KLF12: variants seen among roughly 807,000 people sequenced by gnomAD.
KLF12 encodes Krueppel-like factor 12.
Under a neutral mutation model 37.8 loss-of-function variants are expected in KLF12, and 9 were observed. That is an observed-to-expected ratio of 0.24 (90% CI 0.14 to 0.42). KLF12 has a LOEUF of 0.42. KLF12 is among the 10% of genes least tolerant of loss of function. The pLI is 1.00. For missense variants in KLF12, 411 were observed against 516.0 expected, an observed-to-expected ratio of 0.80 and a Z score of 1.97; for synonymous variants, 208 against 202.1, an observed-to-expected ratio of 1.03 and a Z score of -0.25.
At chr13:74,089,016 G>C (rs751359775) in intron 1 of KLF12, among the ~76,000 whole-genome samples, 2 of 151,994 alleles carry the variant, frequency 1.3e-5, no homozygotes, top group African/African-American at 4.8e-5. Flanking sequence ...AGACAATTCT[G>C]CTATCTCTGT....
intron 1 of KLF12, among the ~76,000 whole-genome samples, chr13:74,119,763 G>C (rs1484765570): frequency 6.6e-6 from 1 of 152,120 alleles, no homozygotes; most frequent in African/African-American, 2.4e-5. Flanking sequence ...GAAAAGAGAA[G>C]AGAAGGGAGG....
chr13:73,937,176 G>A (rs550248440), intron 3 of KLF12, among the ~76,000 whole-genome samples: 39 of 146,748 alleles, frequency 2.7e-4, no homozygotes, highest in South Asian at 1.8e-3. Flanking sequence ...GCGACAGAGC[G>A]AGACTCCGTC....
intron 1 of KLF12, among the ~76,000 whole-genome samples, chr13:74,042,444 G>A (rs973895636): frequency 4.6e-5 from 7 of 152,130 alleles, no homozygotes; most frequent in Admixed American, 3.3e-4. Context: ...CACCCTGCCA[G>A]GTAACACTCC....
intron 1 of KLF12, among the ~76,000 whole-genome samples, chr13:74,091,905 T>C (rs1435638687): frequency 1.3e-5 from 2 of 151,968 alleles, no homozygotes; most frequent in Admixed American, 1.3e-4. Flanking sequence ...AGGTTATGCA[T>C]GTGTGGAGGC....
chr13:73,915,870 T>C (rs1888804374), intron 3 of KLF12, among the ~76,000 whole-genome samples: 1 of 151,992 alleles, frequency 6.6e-6, no homozygotes, highest in Non-Finnish European at 1.5e-5. Flanking sequence ...ACTTTCTCTC[T>C]TGATGGTGGA....
At chr13:74,035,856 A>G (rs1893232957) in intron 1 of KLF12, among the ~76,000 whole-genome samples, 1 of 152,232 alleles carries the variant, frequency 6.6e-6, no homozygotes, top group African/African-American at 2.4e-5. Context: ...TCAAATCTCT[A>G]TAGGATTTTG....
intron 5 of KLF12, among the ~76,000 whole-genome samples, chr13:73,794,529 A>G (rs553209901): frequency 2.2e-4 from 33 of 152,336 alleles, no homozygotes; most frequent in African/African-American, 7.7e-4. Flanking sequence ...AGTTTAGTAC[A>G]GAAAACATTT....
intron 1 of KLF12, among the ~76,000 whole-genome samples, chr13:74,021,653 A>G (rs1291932080): frequency 6.6e-6 from 1 of 152,218 alleles, no homozygotes; most frequent in Non-Finnish European, 1.5e-5. Context: ...ACATCAAGGA[A>G]GTCAGCAAAT....
intron 4 of KLF12, among the ~76,000 whole-genome samples, chr13:73,815,220 G>A (rs549586739): frequency 3.2e-4 from 48 of 152,314 alleles, no homozygotes; most frequent in Admixed American, 1.4e-3. Context: ...GGATGTTGGA[G>A]AAACTGTAGG....
At chr13:74,129,740 G>A (rs1878159352) in intron 1 of KLF12, among the ~76,000 whole-genome samples, 1 of 151,396 alleles carries the variant, frequency 6.6e-6, no homozygotes, top group Non-Finnish European at 1.5e-5. Context: ...AATTCTTTGG[G>A]TGAATATCCT....
At chr13:73,948,966 T>C (rs1284121431) in intron 2 of KLF12, among the ~76,000 whole-genome samples, 2 of 152,242 alleles carry the variant, frequency 1.3e-5, no homozygotes, top group Non-Finnish European at 2.9e-5. Context: ...GATATTTGCA[T>C]ATTTACTGTG....
chr13:74,092,369 A>G (rs1875722928), intron 1 of KLF12, among the ~76,000 whole-genome samples: 1 of 151,890 alleles, frequency 6.6e-6, no homozygotes, highest in Admixed American at 6.6e-5. Context: ...CAAGAAAATG[A>G]AAGTCACATT....
At chr13:73,948,305 T>G (rs1593771371) in intron 2 of KLF12, among the ~76,000 whole-genome samples, 1 of 152,114 alleles carries the variant, frequency 6.6e-6, no homozygotes, top group East Asian at 1.9e-4. Context: ...TACTGCAATC[T>G]CTGCCTCCCA....
At chr13:73,958,489 C>G (rs144250927) in intron 2 of KLF12, among the ~76,000 whole-genome samples, 1 of 152,008 alleles carries the variant, frequency 6.6e-6, no homozygotes, top group East Asian at 1.9e-4. Flanking sequence ...GTGATCTGCC[C>G]GCCTCAGCCT....
the KLF12 span, among the ~76,000 whole-genome samples, chr13:74,152,916 AT>A: frequency 6.7e-6 from 1 of 148,630 alleles, no homozygotes; most frequent in East Asian, 2.0e-4. Context: ...AATAATAATA[AT>A]AATAATAATA....
chr13:74,279,938 A>G, the KLF12 span, among the ~76,000 whole-genome samples: 1 of 152,214 alleles, frequency 6.6e-6, no homozygotes, highest in Non-Finnish European at 1.5e-5. Flanking sequence ...AGGGATGCAC[A>G]AGAATGTTAT....
chr13:74,149,090 C>G, the KLF12 span, among the ~76,000 whole-genome samples: 1 of 152,160 alleles, frequency 6.6e-6, no homozygotes, highest in African/African-American at 2.4e-5. Flanking sequence ...AGTGGGATTA[C>G]GGGCACAAGC....
At chr13:73,924,989 G>A (rs1000325435) in intron 3 of KLF12, among the ~76,000 whole-genome samples, 11 of 152,154 alleles carry the variant, frequency 7.2e-5, no homozygotes, top group Non-Finnish European at 1.5e-4. Context: ...TGAGAGAGAT[G>A]ATAAGGCTAC....
At chr13:73,906,417 T>C (rs922631273) in intron 3 of KLF12, among the ~76,000 whole-genome samples, 1 of 152,190 alleles carries the variant, frequency 6.6e-6, no homozygotes, top group Non-Finnish European at 1.5e-5. Flanking sequence ...TTTTCCAGTT[T>C]ACTAATTCTC....
Sources: gnomAD v4.1 joint callset for allele counts (sites outside exome capture counted in the v4.1 genomes callset) on GRCh38, gnomAD v4.1.1 for gene constraint, MANE v1.5 for transcripts, NCBI Gene and HGNC (gene_info 2026-07-23, HGNC 2026-07-21) for gene names.